VWCE: variants seen among roughly 807,000 people sequenced by gnomAD.
VWCE encodes the protein von Willebrand factor C and EGF domains, also known as von Willebrand factor C and EGF domain-containing protein.
In VWCE, 68 loss-of-function variants were observed where a neutral mutation model predicts 102.9. The ratio of observed to expected loss-of-function variants is 0.66; its 90% CI spans 0.54 to 0.81. The LOEUF (loss-of-function observed/expected upper bound fraction) is 0.81, where lower values mean the gene tolerates loss of function less well. VWCE is among the 30% of genes least tolerant of loss of function. VWCE has a pLI of 0.00. For missense variants in VWCE, 1,137 were observed against 1,263.6 expected, an observed-to-expected ratio of 0.90 and a Z score of 1.52; for synonymous variants, 497 against 515.4, an observed-to-expected ratio of 0.96 and a Z score of 0.48.
intron 13 of VWCE, among the ~76,000 whole-genome samples, chr11:61,272,424 AAC>A (rs2134770645): frequency 6.6e-6 from 1 of 151,996 alleles, no homozygotes; most frequent in South Asian, 2.1e-4. Flanking sequence ...CACACACAAA[AAC>A]ACAAAAACAG....
At position 61,259,322 on chromosome 11, in the gene VWCE, C is replaced by T. The variant is rs199774452; in HGVS notation, c.2231-10G>A. On this transcript the variant is annotated splice_polypyrimidine_tract_variant and intron_variant, in intron 19 of 19. Coordinates refer to ENST00000335613, the MANE Select transcript of VWCE (RefSeq NM_152718.2). ...AGAGGAGACAGGGAATCTAGAGAGA[C>T]GAGGGTGAAACGAGATGCACAATGG... 8.1e-5 allele frequency: 126 copies of T among 1,558,964 alleles called. No individual in the cohort carries two copies. The highest frequency in any genetic ancestry group is 9.5e-5 in the Non-Finnish European group (110 of 1,153,108).
intron 6 of VWCE, 134 bp from the exon 7 acceptor site, chr11:61,282,048 C>T: frequency 1.5e-6 from 2 of 1,347,406 alleles, no homozygotes; most frequent in Non-Finnish European, 2.0e-6. Context: ...CCCCGAGGTG[C>T]GGGATGTGAC....
chr11:61,274,068 G>A (rs528131292), intron 12 of VWCE, among the ~76,000 whole-genome samples: 1 of 152,092 alleles, frequency 6.6e-6, no homozygotes, highest in Non-Finnish European at 1.5e-5. Context: ...CATGCTCCAG[G>A]CAGAACGGCC....
intron 14 of VWCE, 108 bp downstream of exon 14, chr11:61,271,567 C>G: frequency 9.5e-7 from 1 of 1,055,960 alleles, no homozygotes; most frequent in East Asian, 2.6e-5. Context: ...CGGAGGGAGA[C>G]TGCGGCCAGC....
At chr11:61,272,176 CACAG>C (rs1353518062) in intron 13 of VWCE, among the ~76,000 whole-genome samples, 8 of 137,830 alleles carry the variant, frequency 5.8e-5, no homozygotes, top group African/African-American at 2.4e-4. Flanking sequence ...ACAGATACAA[CACAG>C]ACACACATGC....
chr11:61,272,287 C>T (rs1166324226), intron 13 of VWCE, among the ~76,000 whole-genome samples: 2 of 151,924 alleles, frequency 1.3e-5, no homozygotes, highest in Non-Finnish European at 2.9e-5. Flanking sequence ...CTTACATACA[C>T]ATACATATGC....
Position 61,273,387 on chromosome 11 carries a change from G to C in VWCE, c.1582-71C>G, listed in dbSNP as rs986475311. On this transcript the variant is annotated intron_variant, in intron 12 of 19. Coordinates refer to ENST00000335613, the MANE Select transcript of VWCE (RefSeq NM_152718.2). Reference sequence around the variant, plus strand: ...TGGGGACCATGGAGAGCTAGAGGAGGCCGCAGGCTGCCTGCCATCACCCTC... The same window carrying C: ...TGGGGACCATGGAGAGCTAGAGGAGCCCGCAGGCTGCCTGCCATCACCCTC... The C allele has an allele frequency of 2.1e-6, 3 of 1,401,784 alleles. No individual in the cohort carries two copies. In the African/African-American group the frequency reaches 4.4e-5, roughly 20 times the overall value. 86.8% of individuals were successfully genotyped at this position (1,401,784 alleles called of 1,614,324 possible).
At position 61,267,613 on chromosome 11, in the gene VWCE, A is replaced by G. The variant is rs945125326; in HGVS notation, c.1883-69T>C. ...GGCACCAGGCTTCCCGCCAGGGCCAAGGTCACAGGCTTATCTGGATGGCAA... is the reference window on the plus strand; with the variant it reads ...GGCACCAGGCTTCCCGCCAGGGCCAGGGTCACAGGCTTATCTGGATGGCAA... On this transcript the variant is annotated intron_variant, in intron 15 of 19. Coordinates refer to ENST00000335613, the MANE Select transcript of VWCE (RefSeq NM_152718.2). 1.6e-5 allele frequency: 23 copies of G among 1,479,246 alleles called. No individual in the cohort carries two copies. The African/African-American group carries it at 2.6e-4, about 17-fold the overall frequency. The allele number at this position is 1,479,246 out of a possible 1,614,324, so 91.6% of individuals were successfully genotyped here.
rs899550206 is a variant in VWCE at position 61,294,740 on chromosome 11, C to CA, written c.110+187dup. Among the ~76,000 whole-genome samples, 19 of 152,336 alleles carry CA rather than the reference C, an allele frequency of 1.2e-4. No homozygotes were observed. The South Asian group carries it at 1.7e-3, about 13-fold the overall frequency. ...GCCCCAGCCAGGGGGGCACGATGAG[C>CA]ACCCGCCTAGAGGCACAAGTTGCTG... is the stretch of plus-strand genomic sequence containing the variant. On this transcript the variant is annotated intron_variant, in intron 1 of 19. Coordinates refer to ENST00000335613, the MANE Select transcript of VWCE (RefSeq NM_152718.2). The surrounding 1 kb of genome is among the most constrained non-coding windows in gnomAD (Gnocchi z 6.3).
chr11:61,281,662 T>G, intron 7 of VWCE, 124 bp downstream of exon 7: 12 of 1,247,296 alleles, frequency 9.6e-6, no homozygotes, highest in Non-Finnish European at 1.3e-5. Context: ...GGCCAGGAGC[T>G]GAGAGGGCGT....
intron 4 of VWCE, among the ~76,000 whole-genome samples, chr11:61,289,403 A>G (rs1429144255): frequency 6.6e-6 from 1 of 151,890 alleles, no homozygotes; most frequent in Non-Finnish European, 1.5e-5. Context: ...GGCATGTACC[A>G]CTACACCAGC....
At chr11:61,277,401 G>A (rs111309846) in intron 10 of VWCE, among the ~76,000 whole-genome samples, 11,824 of 143,968 alleles carry the variant, frequency 0.082, 1,456 homozygotes, top group African/African-American at 0.28. Flanking sequence ...TTGAGCCCAG[G>A]AATTTGAGAC....
rs777984745 is a variant in VWCE at position 61,267,484 on chromosome 11, G to A, written c.1943C>T (p.Pro648Leu). Residue 648 changes from proline (P) to leucine (L), a missense_variant, in exon 16 of 20, where the codon CCA (proline) becomes CTA (leucine). By Grantham distance (98) the Pro-to-Leu change is moderately conservative (BLOSUM62 -3). This residue lies in a region of VWCE where 212 missense variants were observed against 235.1 expected (regional missense o/e 0.90). Transcript: ENST00000335613. ...NNETFPSVLD[P>L]CLSCICLLGS... ...TACCAGGCAGATGCAGCTCAGACATGGGTCCAGCACAGACGGGAAGGTCTC... is the reference window on the plus strand; with the variant it reads ...TACCAGGCAGATGCAGCTCAGACATAGGTCCAGCACAGACGGGAAGGTCTC... The A allele has an allele frequency of 5.0e-6, 8 of 1,614,164 alleles. No homozygotes were observed. The highest frequency in any genetic ancestry group is 6.8e-6 in the Non-Finnish European group (8 of 1,180,030).
chr11:61,264,529 C>G lies in VWCE; in HGVS notation c.2188G>C (p.Asp730His), dbSNP rs757997293. 1 of 1,613,430 alleles carries G rather than the reference C, an allele frequency of 6.2e-7. No individual in the cohort carries two copies. Among genetic ancestry groups the G allele is most frequent in the Admixed American group, 1.7e-5 (1 of 59,912 alleles). The part of the protein sequence containing the change: ...EKVPCQRACA[D>H]PALLPGDCCS... Reference sequence around the variant, plus strand: ...CAGTCCCCAGGAAGCAGGGCAGGGTCGGCACAGGCCCGCTGGCAGGGAACC... The same window carrying G: ...CAGTCCCCAGGAAGCAGGGCAGGGTGGGCACAGGCCCGCTGGCAGGGAACC... The change falls in exon 19 of 20, where the codon GAC (aspartate) becomes CAC (histidine). Residue 730 changes from aspartate (D) to histidine (H), a missense_variant. Asp to His is a moderately conservative substitution (Grantham distance 81, BLOSUM62 -1). Transcript: ENST00000335613.
At chr11:61,259,458 CA>C (rs1854292067) in intron 19 of VWCE, 146 bp from the exon 20 acceptor site, 1 of 1,070,714 alleles carries the variant, frequency 9.3e-7, no homozygotes, top group Non-Finnish European at 1.3e-6. Context: ...CTCCTGCCTC[CA>C]GGAAGGGAAG....
chr11:61,274,454 CCT>C (rs1854841083), intron 12 of VWCE, 43 bp downstream of exon 12: 2 of 1,582,368 alleles, frequency 1.3e-6, no homozygotes, highest in Non-Finnish European at 8.7e-7. Context: ...GCCTCGCTCC[CCT>C]CTCCATCAAT....
chr11:61,293,114 G>C (rs1855562427), intron 1 of VWCE, among the ~76,000 whole-genome samples: 1 of 151,912 alleles, frequency 6.6e-6, no homozygotes, highest in Non-Finnish European at 1.5e-5. Flanking sequence ...GGTGGCGCAT[G>C]CCTGTAATCC....
Position 61,286,391 on chromosome 11 carries a change from C to T in VWCE, c.464G>A (p.Cys155Tyr). Residue 155 changes from cysteine (C) to tyrosine (Y), a missense_variant, in exon 5 of 20, where the codon TGT (cysteine) becomes TAT (tyrosine). Physicochemically the swap from Cys to Tyr is radical, Grantham distance 194. Coordinates refer to ENST00000335613, the MANE Select transcript of VWCE (RefSeq NM_152718.2). Reference sequence around the variant, plus strand: ...CACAAACCCACCTTCTGTGTTCACACAGTGGCCCTCGCAGGAGGAGGTTAC... The same window carrying T: ...CACAAACCCACCTTCTGTGTTCACATAGTGGCCCTCGCAGGAGGAGGTTAC... ...ECVTSSCEGH[C>Y]VNTEGGFVCE... 1 of 1,612,958 alleles carries T rather than the reference C, an allele frequency of 6.2e-7. No homozygotes were observed.
intron 12 of VWCE, among the ~76,000 whole-genome samples, 180 bp from the exon 13 acceptor site, chr11:61,273,496 G>A (rs937507758): frequency 1.6e-4 from 25 of 152,302 alleles, no homozygotes; most frequent in African/African-American, 5.8e-4. Flanking sequence ...CAGTGGGGTG[G>A]GGGGAACTGG....
Sources: allele counts gnomAD v4.1 joint callset (sites outside exome capture counted in the v4.1 genomes callset), GRCh38; gene constraint gnomAD v4.1.1; regional missense constraint gnomAD v4.1.1; non-coding constraint Gnocchi (gnomAD v3.1); transcripts MANE v1.5; gene names NCBI Gene and HGNC (gene_info 2026-07-23, HGNC 2026-07-21).